NTRK3: variants seen among roughly 807,000 people sequenced by gnomAD.
NTRK3 encodes neurotrophic receptor tyrosine kinase 3, also known as NT-3 growth factor receptor.
In NTRK3, 24 loss-of-function variants were observed where a neutral mutation model predicts 91.7. The ratio of observed to expected loss-of-function variants is 0.26; its 90% CI spans 0.19 to 0.37. The LOEUF is 0.37. Among genes scored for constraint, NTRK3 ranks in the 10% least tolerant of loss-of-function variants. The pLI is 1.00. For missense variants in NTRK3, 880 were observed against 1,068.9 expected (o/e 0.82, Z 2.46); for synonymous variants, 483 against 404.0 (o/e 1.20, Z -2.34).
chr15:88,161,794 C>G (rs1597687915), intron 5 of NTRK3, among the ~76,000 whole-genome samples: 1 of 152,136 alleles, frequency 6.6e-6, no homozygotes, highest in Non-Finnish European at 1.5e-5. Context: ...CCCAGCTGAA[C>G]AAACATGCTG....
At chr15:87,902,188 G>C (rs2066496314) in intron 17 of NTRK3, among the ~76,000 whole-genome samples, 3 of 152,184 alleles carry the variant, frequency 2.0e-5, no homozygotes, top group African/African-American at 7.2e-5. Context: ...TCCATAGACA[G>C]ATTGGAAAAA....
At chr15:88,002,113 T>C (rs1204806682) in intron 14 of NTRK3, among the ~76,000 whole-genome samples, 1 of 150,958 alleles carries the variant, frequency 6.6e-6, no homozygotes, top group Non-Finnish European at 1.5e-5. Context: ...AGAAGGATGA[T>C]AATGTTGGCC....
intron 3 of NTRK3, among the ~76,000 whole-genome samples, chr15:88,204,954 A>G (rs1268705222): frequency 6.6e-6 from 1 of 152,214 alleles, no homozygotes; most frequent in African/African-American, 2.4e-5. Flanking sequence ...GGAAAAGGAA[A>G]GGAATATGAT....
At chr15:88,075,187 G>T (rs894227249) in intron 13 of NTRK3, among the ~76,000 whole-genome samples, 1 of 152,176 alleles carries the variant, frequency 6.6e-6, no homozygotes, top group Non-Finnish European at 1.5e-5. Context: ...GGGCCTCCCT[G>T]CCATGAACTT....
At chr15:88,050,569 AC>A (rs1193032266) in intron 13 of NTRK3, among the ~76,000 whole-genome samples, 2 of 146,612 alleles carry the variant, frequency 1.4e-5, no homozygotes, top group African/African-American at 5.5e-5. Context: ...ACACACACTC[AC>A]ACACACAAAT....
At chr15:88,152,996 C>A (rs904283618) in intron 5 of NTRK3, among the ~76,000 whole-genome samples, 1 of 152,222 alleles carries the variant, frequency 6.6e-6, no homozygotes, top group Non-Finnish European at 1.5e-5. Flanking sequence ...CATTCTGCTG[C>A]TTGCAGAAAG....
chr15:87,867,126 G>C (rs1275070697), exon 19 of NTRK3: 1 of 225,288 alleles, frequency 4.4e-6, no homozygotes, highest in Non-Finnish European at 8.8e-6. Context: ...TGTTGTCCCA[G>C]AGTCTCTTGT....
chr15:88,212,930 CAGGA>C (rs1401444993), intron 3 of NTRK3, among the ~76,000 whole-genome samples: 2 of 152,194 alleles, frequency 1.3e-5, no homozygotes, highest in African/African-American at 4.8e-5. Context: ...GAAACAGCCC[CAGGA>C]AAGCTGGTCA....
chr15:87,976,628 T>A (rs745457947), intron 14 of NTRK3, among the ~76,000 whole-genome samples: 21 of 152,206 alleles, frequency 1.4e-4, no homozygotes, highest in Non-Finnish European at 2.5e-4. Context: ...TCTAGCTGTG[T>A]CACTGCCAGG....
chr15:88,106,954 G>C (rs1310002474), intron 13 of NTRK3, among the ~76,000 whole-genome samples: 1 of 150,126 alleles, frequency 6.7e-6, no homozygotes, highest in South Asian at 2.1e-4. Context: ...AAAAAAAAAA[G>C]TATGGGAATA....
At chr15:87,942,710 A>C (rs773213646) in intron 14 of NTRK3, among the ~76,000 whole-genome samples, 1 of 152,158 alleles carries the variant, frequency 6.6e-6, no homozygotes, top group South Asian at 2.1e-4. Flanking sequence ...GAAAAACAAC[A>C]ACCATGAAAT....
chr15:87,894,399 A>T (rs2066000288), intron 17 of NTRK3, among the ~76,000 whole-genome samples: 2 of 152,156 alleles, frequency 1.3e-5, no homozygotes, highest in African/African-American at 4.8e-5. Context: ...ACATCCATAC[A>T]CTGTGGGGAG....
intron 3 of NTRK3, among the ~76,000 whole-genome samples, chr15:88,230,719 G>A (rs569218678): frequency 3.2e-4 from 49 of 152,294 alleles, no homozygotes; most frequent in African/African-American, 1.2e-3. Flanking sequence ...GGGATGGGGA[G>A]AGGAAACATA....
At chr15:88,152,167 G>C (rs1475548435) in intron 5 of NTRK3, among the ~76,000 whole-genome samples, 1 of 152,064 alleles carries the variant, frequency 6.6e-6, no homozygotes, top group Non-Finnish European at 1.5e-5. Flanking sequence ...TGGGTGTGGT[G>C]GTGGGCGCCT....
chr15:88,235,299 C>T lies in NTRK3; in HGVS notation c.248+20607G>A, dbSNP rs1403842709. On this transcript the variant is annotated intron_variant, in intron 3 of 18. Coordinates refer to ENST00000394480, the Ensembl canonical transcript of NTRK3. The surrounding 1 kb of genome is among the most constrained non-coding windows in gnomAD (Gnocchi z 5.2). ...AGGCCTGTGTCGCTGTCTACCCTAC[C>T]CACAATAGCCTCCAGGCTCTGAGCT... Among the ~76,000 whole-genome samples the T allele has an allele frequency of 6.6e-6, 1 of 152,202 alleles. No individual in the cohort carries two copies. Among genetic ancestry groups the T allele is most frequent in the Non-Finnish European group, 1.5e-5 (1 of 68,044 alleles).
At chr15:88,106,259 A>G (rs940336230) in intron 13 of NTRK3, among the ~76,000 whole-genome samples, 6 of 152,222 alleles carry the variant, frequency 3.9e-5, no homozygotes, top group African/African-American at 1.4e-4. Context: ...TTCCCCTACC[A>G]GAGGCTCCCT....
chr15:87,990,906 A>G (rs1289636929), intron 14 of NTRK3, among the ~76,000 whole-genome samples: 4 of 152,190 alleles, frequency 2.6e-5, no homozygotes, highest in African/African-American at 7.2e-5. Context: ...TTTGGATACC[A>G]ACAATTTGCA....
At chr15:88,172,681 GC>G (rs1274200118) in intron 5 of NTRK3, among the ~76,000 whole-genome samples, 1 of 152,228 alleles carries the variant, frequency 6.6e-6, no homozygotes, top group East Asian at 1.9e-4. Flanking sequence ...TCACAAACAT[GC>G]AGTGGGCCAG....
rs183582868 is a variant in NTRK3 at position 87,863,578 on chromosome 15, C to A, written c.*13357G>T. 24 of 218,608 alleles carry A rather than the reference C, an allele frequency of 1.1e-4. 2 individuals are homozygous for A. The East Asian group carries it at 1.6e-3, about 15-fold the overall frequency. The allele number at this position is 218,608 out of a possible 1,614,324, so 13.5% of individuals were successfully genotyped here. On this transcript the variant is annotated 3_prime_UTR_variant, in exon 19 of 19. Coordinates refer to ENST00000394480, the Ensembl canonical transcript of NTRK3. ...CAAACAAAAATAGCCCTGAAGCAAC[C>A]CTAGTTTTCCTGTGGAACAGTTAAT... is the stretch of plus-strand genomic sequence containing the variant.
Sources: allele counts gnomAD v4.1 joint callset (sites outside exome capture counted in the v4.1 genomes callset), GRCh38; gene constraint gnomAD v4.1.1; non-coding constraint Gnocchi (gnomAD v3.1); transcripts MANE v1.5; gene names NCBI Gene and HGNC (gene_info 2026-07-23, HGNC 2026-07-21).